Variants in HDAC5 observed in about 807,000 individuals in gnomAD.
The protein encoded by HDAC5 is antigen NY-CO-9.
In HDAC5, 25 loss-of-function variants were observed where a neutral mutation model predicts 133.3. The observed-to-expected ratio is 0.19, with a 90% CI of 0.14 to 0.26. HDAC5 has a LOEUF of 0.26. Ranked by LOEUF, HDAC5 falls within the 10% of genes least tolerant of loss-of-function variation. The pLI is 1.00. For missense variants in HDAC5, 1,041 were observed against 1,460.5 expected (o/e 0.71, Z 4.68); for synonymous variants, 589 against 610.8 (o/e 0.96, Z 0.53).
Position 44,078,819 on chromosome 17 carries a change from G to T in HDAC5, c.3139C>A (p.Leu1047Ile). The T allele has an allele frequency of 6.2e-7, 1 of 1,614,150 alleles. No individual in the cohort carries two copies. The highest frequency in any genetic ancestry group is 1.1e-5 in the South Asian group (1 of 91,086). ...QKPNINAVAT[L>I]EKVIEIQSKH... ...CTCTGGATCTCGATGACTTTCTCTAGCGTGGCCACTGCGTTGATGTTGGGC... is the reference window on the plus strand; with the variant it reads ...CTCTGGATCTCGATGACTTTCTCTATCGTGGCCACTGCGTTGATGTTGGGC... Residue 1047 changes from leucine to isoleucine, a missense_variant, in exon 25 of 27, where the codon CTA (leucine) becomes ATA (isoleucine). Leu to Ile is a conservative substitution (Grantham distance 5). Around this residue, in one of 9 missense-constraint regions of HDAC5, gnomAD observed 95 missense variants for 107.3 expected, o/e 0.88. Coordinates refer to ENST00000682912, the MANE Select transcript of HDAC5 (RefSeq NM_005474.5).
In HDAC5 at chr17:44,080,530, C is replaced by T. The variant is rs751208446; in HGVS notation, c.2728-32G>A. 3.7e-6 allele frequency: 6 copies of T among 1,605,658 alleles called. No individual in the cohort carries two copies. In the African/African-American group the frequency reaches 6.7e-5, roughly 18 times the overall value. On this transcript the variant is annotated intron_variant, in intron 21 of 26. Transcript: ENST00000682912. ...CCAGAGTTGGGGAGAGGGCTATTCTCACCACCTGGGAGTCCCAAACATTGC... is the reference window on the plus strand; with the variant it reads ...CCAGAGTTGGGGAGAGGGCTATTCTTACCACCTGGGAGTCCCAAACATTGC...
At chr17:44,121,642 G>C (rs1226708634) in intron 1 of HDAC5, among the ~76,000 whole-genome samples, 2 of 148,482 alleles carry the variant, frequency 1.3e-5, no homozygotes, top group Non-Finnish European at 3.0e-5. Context: ...AATGACCCCC[G>C]CCCAACATTC....
chr17:44,092,657 A>T lies in HDAC5; in HGVS notation c.772+19T>A. 6.5e-7 allele frequency: 1 copy of T among 1,526,894 alleles called. No homozygotes were observed. The highest frequency in any genetic ancestry group is 1.3e-5 in the South Asian group (1 of 78,780). The allele number at this position is 1,526,894 out of a possible 1,614,324, so 94.6% of individuals were successfully genotyped here. A position where few individuals can be genotyped will look rare whatever the true frequency, so the allele number is the denominator to read the frequency against. Reference sequence around the variant, plus strand: ...CCCAGGAGCCATATTCTGGGAGGCCAGGTGGGGGACTCACTCACCTGTTTT... The same window carrying T: ...CCCAGGAGCCATATTCTGGGAGGCCTGGTGGGGGACTCACTCACCTGTTTT... On this transcript the variant is annotated intron_variant, in intron 7 of 26. Coordinates refer to ENST00000682912, the MANE Select transcript of HDAC5 (RefSeq NM_005474.5).
Position 44,093,801 on chromosome 17 carries a change from G to T in HDAC5, c.128C>A (p.Pro43His). ...TCCACCCCCACCCCCCATGGAACTG[G>T]GCATGGCTCTTGGCAGCACCGGCTT... is the stretch of plus-strand genomic sequence containing the variant. ...EVKPVLPRAM[P>H]SSMGGGGGGS... Residue 43 changes from proline to histidine, a missense_variant, in exon 4 of 27, where the codon CCC becomes CAC. Physicochemically the swap from Pro to His is moderately conservative, Grantham distance 77. Coordinates refer to ENST00000682912, the MANE Select transcript of HDAC5 (RefSeq NM_005474.5). The T allele has an allele frequency of 6.5e-7, 1 of 1,545,456 alleles. No homozygotes were observed. Among genetic ancestry groups the T allele is most frequent in the East Asian group, 2.3e-5 (1 of 44,114 alleles).
Position 44,079,412 on chromosome 17 carries a change from C to T in HDAC5, c.2945-135G>A, listed in dbSNP as rs112442808. ...ATCCCAGCACTTTGGGAGGCCAAGG[C>T]GGGCAGATCACAAGGTCAGGAGTTC... On this transcript the variant is annotated intron_variant, in intron 23 of 26. Coordinates refer to ENST00000682912, the MANE Select transcript of HDAC5 (RefSeq NM_005474.5). 689 of 777,110 alleles carry T rather than the reference C, an allele frequency of 8.9e-4. 2 individuals carry two copies. Among genetic ancestry groups the T allele is most frequent in the African/African-American group, 7.1e-3 (408 of 57,538 alleles). 48.1% of individuals were successfully genotyped at this position (777,110 alleles called of 1,614,324 possible).
chr17:44,100,970 A>C (rs2051568188), intron 3 of HDAC5, among the ~76,000 whole-genome samples: 1 of 148,636 alleles, frequency 6.7e-6, no homozygotes, highest in African/African-American at 2.4e-5. Context: ...TTGTATTTTT[A>C]GGTAGAGACG....
At chr17:44,116,932 T>C (rs928511061) in intron 2 of HDAC5, among the ~76,000 whole-genome samples, 1 of 152,038 alleles carries the variant, frequency 6.6e-6, no homozygotes, top group African/African-American at 2.4e-5. Context: ...AGAGGCAGTC[T>C]ACCTGGACTC....
Position 44,092,739 on chromosome 17 carries a change from A to C in HDAC5, c.709T>G (p.Ser237Ala), listed in dbSNP as rs745413990. The C allele has an allele frequency of 8.6e-7, 1 of 1,166,276 alleles. No homozygotes were observed. The highest frequency in any genetic ancestry group is 1.1e-6 in the Non-Finnish European group (1 of 930,834). 72.2% of individuals were successfully genotyped at this position (1,166,276 alleles called of 1,614,324 possible). Residue 237 changes from serine to alanine, a missense_variant, in exon 7 of 27, where the codon TCC (serine) becomes GCC (alanine). Ser to Ala is a moderately conservative substitution (Grantham distance 99, BLOSUM62 1). This residue lies in a region of HDAC5 where 56 missense variants were observed against 41.3 expected (regional missense o/e 1.36). Coordinates refer to ENST00000682912, the MANE Select transcript of HDAC5 (RefSeq NM_005474.5). ...GGCCCAGGCAAAGGCAGTTTGTAGG[A>C]GGGAGGCGTCCCAGGGGGGCCGCTC... is the stretch of plus-strand genomic sequence containing the variant. Reference protein sequence around the residue: ...PQSGPPGTPPSYKLPLPGPYD... With the variant: ...PQSGPPGTPPAYKLPLPGPYD...
At chr17:44,093,545 T>C (rs997658429) in intron 4 of HDAC5, 30 bp downstream of exon 4, 2 of 1,598,060 alleles carry the variant, frequency 1.3e-6, no homozygotes, top group Admixed American at 3.4e-5. Flanking sequence ...ATCGGAGGTC[T>C]GGGCGGCCCC....
chr17:44,107,392 G>A (rs923601189), intron 3 of HDAC5, among the ~76,000 whole-genome samples: 3 of 152,084 alleles, frequency 2.0e-5, no homozygotes, highest in African/African-American at 4.8e-5. Context: ...GGCGGATCAC[G>A]AGGTCAGGAG....
intron 1 of HDAC5, among the ~76,000 whole-genome samples, chr17:44,121,790 G>C (rs1315900902): frequency 1.3e-5 from 2 of 152,130 alleles, no homozygotes; most frequent in African/African-American, 4.8e-5. Flanking sequence ...TCCAGCCAAA[G>C]TAGGAGGATA....
At chr17:44,115,092 G>C (rs958901420) in intron 2 of HDAC5, among the ~76,000 whole-genome samples, 2 of 152,308 alleles carry the variant, frequency 1.3e-5, no homozygotes, top group Non-Finnish European at 2.9e-5. Context: ...ACCAGGGATG[G>C]CCCATCTCAT....
In HDAC5 at chr17:44,093,489, C is replaced by CA. The variant is rs2051071403; in HGVS notation, c.355-5dup. 6.2e-7 allele frequency: 1 copy of CA among 1,605,264 alleles called. No homozygotes were observed. Among genetic ancestry groups the CA allele is most frequent in the Non-Finnish European group, 8.5e-7 (1 of 1,176,224 alleles). ...CTGCCAGCATCTCCTGCTGCTGCTG[C>CA]AGGGGCATGGGAACGGAGGCACAAG... On this transcript the variant is annotated splice_region_variant and splice_polypyrimidine_tract_variant and intron_variant, in intron 4 of 26. Coordinates refer to ENST00000682912, the MANE Select transcript of HDAC5 (RefSeq NM_005474.5).
chr17:44,116,639 TG>T lies in HDAC5; in HGVS notation c.22+854del, dbSNP rs549979176. Among the ~76,000 whole-genome samples, 231 of 152,122 alleles carry T rather than the reference TG, an allele frequency of 1.5e-3. 5 individuals carry two copies. The highest frequency in any genetic ancestry group is 5.3e-3 in the African/African-American group (221 of 41,504). On this transcript the variant is annotated intron_variant, in intron 2 of 26. Coordinates refer to ENST00000682912, the MANE Select transcript of HDAC5 (RefSeq NM_005474.5). ...GTTGAGCAAGATGGACCTTTAACACTGTGTGGAAGGAGACACCCGAGGAGGA... is the reference window on the plus strand; with the variant it reads ...GTTGAGCAAGATGGACCTTTAACACTTGTGGAAGGAGACACCCGAGGAGGA...
chr17:44,093,288 C>G (rs747690056), intron 5 of HDAC5, 26 bp downstream of exon 5: 4 of 1,580,410 alleles, frequency 2.5e-6, no homozygotes, highest in Non-Finnish European at 3.4e-6. Context: ...CGGGGCCCTA[C>G]GAGGTCCCAG....
At chr17:44,114,286 C>T (rs966894659) in intron 2 of HDAC5, among the ~76,000 whole-genome samples, 24 of 152,238 alleles carry the variant, frequency 1.6e-4, no homozygotes, top group African/African-American at 5.3e-4. Flanking sequence ...AGACCCCAGC[C>T]CCATGCCAGG....
chr17:44,089,471 G>A (rs1027682947), intron 11 of HDAC5, among the ~76,000 whole-genome samples: 17 of 151,992 alleles, frequency 1.1e-4, no homozygotes, highest in African/African-American at 3.6e-4. Flanking sequence ...TAGGCCAGGC[G>A]CAGTGGCTCA....
chr17:44,087,524 T>C lies in HDAC5; in HGVS notation c.1772A>G (p.Glu591Gly), dbSNP rs1273684208. 1.2e-6 allele frequency: 2 copies of C among 1,612,858 alleles called. No homozygotes were observed. Among genetic ancestry groups the C allele is most frequent in the South Asian group, 2.2e-5 (2 of 91,060 alleles). Residue 591 changes from glutamate to glycine, a missense_variant, in exon 13 of 27, where the codon GAG becomes GGG. Coordinates refer to ENST00000682912, the MANE Select transcript of HDAC5 (RefSeq NM_005474.5). ...CTCCTCCTCCTCCCCATCGTCTTCC[T>C]CGTCCTCCTCCTCCAGGTCTTCCTG... ...STQEDLEEEDEEDDGEEEEDC... is the reference protein window; with the variant it reads ...STQEDLEEEDGEDDGEEEEDC...
chr17:44,088,158 C>G (rs1384805250), intron 12 of HDAC5, among the ~76,000 whole-genome samples: 1 of 152,178 alleles, frequency 6.6e-6, no homozygotes, highest in African/African-American at 2.4e-5. Flanking sequence ...ATTATAGGTG[C>G]CTACCACCAC....
Sources: allele counts gnomAD v4.1 joint callset (sites outside exome capture counted in the v4.1 genomes callset), GRCh38; gene constraint gnomAD v4.1.1; regional missense constraint gnomAD v4.1.1; transcripts MANE v1.5; gene names NCBI Gene and HGNC (gene_info 2026-07-23, HGNC 2026-07-21).